The following PWWP3B variants were observed in gnomAD, a reference collection of about 807,000 sequenced individuals.
PWWP3B encodes the protein PWWP domain containing 3B.
PWWP3B carries 5 observed loss-of-function variants against 15.7 expected under a neutral mutation model. That is an observed-to-expected ratio of 0.32 (90% CI 0.17 to 0.67). The LOEUF (loss-of-function observed/expected upper bound fraction) is 0.67, where lower values mean the gene tolerates loss of function less well. PWWP3B is among the 30% of genes least tolerant of loss of function. The pLI is 0.74. For synonymous variants in PWWP3B, 203 were observed against 179.8 expected (o/e 1.13, Z -1.03); for missense variants, 519 against 493.1 (o/e 1.05, Z -0.50).
chrX:106,187,840 T>C (rs1393099197), intron 2 of PWWP3B, among the ~76,000 whole-genome samples: 3 of 111,948 alleles, frequency 2.7e-5, no homozygotes, highest in Admixed American at 9.5e-5. Context: ...TTATAGTTGT[T>C]ATATGGACCT....
chrX:106,175,193 A>G (rs1438294543), intron 2 of PWWP3B, among the ~76,000 whole-genome samples: 2 of 108,424 alleles, frequency 1.8e-5, no homozygotes, highest in African/African-American at 6.7e-5. Flanking sequence ...TATGTTCACC[A>G]TCAGAGACAT....
chrX:106,200,430 C>T (rs915579925), intron 2 of PWWP3B, among the ~76,000 whole-genome samples: 1 of 111,035 alleles, frequency 9.0e-6, no homozygotes, highest in Non-Finnish European at 1.9e-5. Context: ...CTAGAGATGG[C>T]TTTCATTGAT....
rs1309486622 is a variant in PWWP3B at position 106,205,881 on chromosome X, A to G, written c.449A>G (p.Asn150Ser). The G allele has an allele frequency of 1.7e-6, 2 of 1,211,196 alleles. No homozygotes were observed. The highest frequency in any genetic ancestry group is 1.8e-5 in the South Asian group (1 of 56,858). Residue 150 changes from asparagine (N) to serine (S), a missense_variant, in exon 4 of 4, where the codon AAC becomes AGC. Transcript: ENST00000357175. ...DLPGCLEERE[N>S]SACLLASSES... ...CCAGGGTGTCTTGAGGAAAGGGAAA[A>G]CTCAGCATGCTTGTTAGCATCTTCA...
At chrX:106,202,004 A>C (rs1923731558) in intron 2 of PWWP3B, among the ~76,000 whole-genome samples, 1 of 112,209 alleles carries the variant, frequency 8.9e-6, no homozygotes, top group Non-Finnish European at 1.9e-5. Context: ...GCTTCAGTGC[A>C]GCATGACTGT....
chrX:106,198,835 A>T (rs2147628722), intron 2 of PWWP3B, among the ~76,000 whole-genome samples: 1 of 111,086 alleles, frequency 9.0e-6, no homozygotes, highest in East Asian at 2.8e-4. Flanking sequence ...TAACATAATT[A>T]TCATACTCTG....
chrX:106,207,205 G>A lies in PWWP3B; in HGVS notation c.1773G>A (p.Arg591=). 4 of 1,208,746 alleles carry A rather than the reference G, an allele frequency of 3.3e-6. No individual in the cohort carries two copies. The highest frequency in any genetic ancestry group is 4.5e-6 in the Non-Finnish European group (4 of 893,797). ...TGAAATCATTTTTGAATGCAAATAG[G>A]TTCACACCCTGTATTGAAACATACT... ...RWLKSFLNAN[R]FTPCIETYFE... is the part of the protein sequence containing the mutation. The change falls in exon 4 of 4, where the codon AGG becomes AGA. Residue 591 remains arginine, a synonymous_variant. Coordinates refer to ENST00000357175, the MANE Select transcript of PWWP3B (RefSeq NM_001171020.2).
At chrX:106,191,923 G>T (rs1922998266) in intron 2 of PWWP3B, among the ~76,000 whole-genome samples, 5 of 111,354 alleles carry the variant, frequency 4.5e-5, no homozygotes, top group African/African-American at 1.3e-4. Context: ...CTTTTTCATG[G>T]GCTGCTGGAT....
At chrX:106,192,554 T>C (rs1282903836) in intron 2 of PWWP3B, among the ~76,000 whole-genome samples, 1 of 111,530 alleles carries the variant, frequency 9.0e-6, no homozygotes, top group African/African-American at 3.2e-5. Context: ...AGTTCTGCTC[T>C]GATCTTAGTT....
At chrX:106,171,735 T>A (rs1452863718) in intron 2 of PWWP3B, among the ~76,000 whole-genome samples, 2 of 110,625 alleles carry the variant, frequency 1.8e-5, no homozygotes, top group Admixed American at 1.9e-4. Flanking sequence ...ATTGCTCCTA[T>A]ACCACAAACC....
rs1924067787 is a variant in PWWP3B at position 106,206,942 on chromosome X, G to C, written c.1510G>C (p.Glu504Gln). 16 of 1,211,340 alleles carry C rather than the reference G, an allele frequency of 1.3e-5. No homozygotes were observed. The East Asian group carries it at 4.7e-4, about 36-fold the overall frequency. Residue 504 changes from glutamate (E) to glutamine (Q), a missense_variant, in exon 4 of 4, where the codon GAA becomes CAA. Physicochemically the swap from Glu to Gln is conservative, Grantham distance 29 (BLOSUM62 2). Coordinates refer to ENST00000357175, the MANE Select transcript of PWWP3B (RefSeq NM_001171020.2). ...AADISYPVRK[E>Q]TKQDTFRNKF... ...TGATATTAGTTACCCAGTTAGGAAAGAAACAAAACAGGATACTTTCAGGAA... is the reference window on the plus strand; with the variant it reads ...TGATATTAGTTACCCAGTTAGGAAACAAACAAAACAGGATACTTTCAGGAA...
intron 2 of PWWP3B, among the ~76,000 whole-genome samples, chrX:106,178,910 A>T (rs1922041978): frequency 8.9e-6 from 1 of 111,846 alleles, no homozygotes; most frequent in Non-Finnish European, 1.9e-5. Flanking sequence ...AGAGATTCGG[A>T]TTCCATTTTT....
chrX:106,173,718 T>A (rs1372883175), intron 2 of PWWP3B, among the ~76,000 whole-genome samples: 2 of 112,064 alleles, frequency 1.8e-5, no homozygotes, highest in African/African-American at 3.2e-5. Context: ...TCTAGACAAC[T>A]AAGTAGCTAA....
intron 2 of PWWP3B, among the ~76,000 whole-genome samples, chrX:106,192,721 C>G (rs1923078029): frequency 1.8e-5 from 2 of 110,729 alleles, no homozygotes; most frequent in South Asian, 4.0e-4. Context: ...GAATGTGTCC[C>G]AGAGATTCTG....
At chrX:106,192,693 C>G (rs1488279568) in intron 2 of PWWP3B, among the ~76,000 whole-genome samples, 1 of 110,437 alleles carries the variant, frequency 9.1e-6, no homozygotes, top group African/African-American at 3.3e-5. Context: ...CTATAAATTT[C>G]CCTCTACACC....
intron 2 of PWWP3B, among the ~76,000 whole-genome samples, chrX:106,200,454 T>A (rs1923631890): frequency 9.0e-6 from 1 of 111,404 alleles, no homozygotes; most frequent in Admixed American, 9.5e-5. Context: ...TTGGTATTTT[T>A]ATTTTAATAT....
intron 2 of PWWP3B, among the ~76,000 whole-genome samples, chrX:106,187,359 T>G (rs992136812): frequency 1.8e-5 from 2 of 112,215 alleles, no homozygotes; most frequent in Non-Finnish European, 3.8e-5. Flanking sequence ...TCATCCTGTG[T>G]CTTGACTCCT....
At chrX:106,202,495 CT>C (rs1319575594) in intron 2 of PWWP3B, among the ~76,000 whole-genome samples, 2 of 111,614 alleles carry the variant, frequency 1.8e-5, no homozygotes, top group East Asian at 2.8e-4. Flanking sequence ...CATATCCCCC[CT>C]GTCTTCTGCC....
chrX:106,181,688 G>T (rs748253807), intron 2 of PWWP3B, among the ~76,000 whole-genome samples: 6 of 111,625 alleles, frequency 5.4e-5, no homozygotes, highest in Non-Finnish European at 1.1e-4. Flanking sequence ...CTGCTGGATA[G>T]GGGTGAAGAA....
chrX:106,205,925 T>C lies in PWWP3B; in HGVS notation c.493T>C (p.Tyr165His). Reference sequence around the variant, plus strand: ...ATCTTCAGAGAGTGATGATTCCCTGTATGATGATAAATCACAAGCACCCAC... The same window carrying C: ...ATCTTCAGAGAGTGATGATTCCCTGCATGATGATAAATCACAAGCACCCAC... ...LASSESDDSL[Y>H]DDKSQAPTMV... The change falls in exon 4 of 4, where the codon TAT (tyrosine) becomes CAT (histidine). Residue 165 changes from tyrosine to histidine, a missense_variant. Tyr to His is a moderately conservative substitution (Grantham distance 83). Coordinates refer to ENST00000357175, the MANE Select transcript of PWWP3B (RefSeq NM_001171020.2). 4.1e-6 allele frequency: 5 copies of C among 1,211,200 alleles called. No individual in the cohort carries two copies. Among genetic ancestry groups the C allele is most frequent in the Non-Finnish European group, 4.5e-6 (4 of 895,174 alleles).
Sources: allele counts gnomAD v4.1 joint callset (sites outside exome capture counted in the v4.1 genomes callset), GRCh38; gene constraint gnomAD v4.1.1; transcripts MANE v1.5; gene names NCBI Gene and HGNC (gene_info 2026-07-23, HGNC 2026-07-21).